Variants in CPM observed in about 807,000 individuals in gnomAD.
CPM encodes renal carboxypeptidase.
A neutral mutation model predicts 46.4 loss-of-function variants in CPM; 35 were observed. The observed-to-expected ratio is 0.75, with a 90% CI of 0.58 to 1.00. CPM has a LOEUF of 1.00. Ranked by LOEUF, CPM falls within the 50% of genes least tolerant of loss-of-function variation. The pLI, the probability that CPM is intolerant of heterozygous loss-of-function variation, is 0.00. For missense variants in CPM, 422 were observed against 530.4 expected, an observed-to-expected ratio of 0.80 and a Z score of 2.01; for synonymous variants, 195 against 195.3, an observed-to-expected ratio of 1.00 and a Z score of 0.01.
chr12:68,871,992 G>C (rs372224300), intron 3 of CPM, 36 bp from the exon 4 acceptor site: 98 of 1,609,872 alleles, frequency 6.1e-5, no homozygotes, highest in Non-Finnish European at 8.1e-5. Flanking sequence ...ACATTATTAG[G>C]TCAGAGGCAA....
chr12:68,865,901 G>C (rs1254474768), intron 7 of CPM, among the ~76,000 whole-genome samples: 1 of 152,148 alleles, frequency 6.6e-6, no homozygotes, highest in Non-Finnish European at 1.5e-5. Flanking sequence ...AGCATCACGT[G>C]GTAAGGTGGT....
At chr12:68,903,215 T>G (rs1351997136) in intron 2 of CPM, among the ~76,000 whole-genome samples, 2 of 152,244 alleles carry the variant, frequency 1.3e-5, no homozygotes, top group Non-Finnish European at 2.9e-5. Flanking sequence ...TACAGTCGGC[T>G]GATCACATGT....
chr12:68,922,939 C>G (rs944237178), intron 2 of CPM, among the ~76,000 whole-genome samples: 2 of 152,058 alleles, frequency 1.3e-5, no homozygotes, highest in Admixed American at 6.6e-5. Context: ...TTTAAAGAGA[C>G]AGACTCTTGC....
chr12:68,894,787 C>A (rs1017171499), intron 2 of CPM, among the ~76,000 whole-genome samples: 1 of 152,048 alleles, frequency 6.6e-6, no homozygotes, highest in Admixed American at 6.5e-5. Flanking sequence ...GTAATCCCAG[C>A]ACTTTGGAAG....
intron 5 of CPM, chr12:68,843,763 G>A: frequency 4.5e-6 from 1 of 223,530 alleles, no homozygotes; most frequent in Non-Finnish European, 8.9e-6. Flanking sequence ...TACCTGTGGA[G>A]GTCCTCCAAG....
chr12:68,932,558 C>CTTG (rs1346797237), intron 2 of CPM, 120 bp downstream of exon 2: 1 of 1,192,638 alleles, frequency 8.4e-7, no homozygotes, highest in Non-Finnish European at 1.2e-6. Context: ...TACCGGTTGA[C>CTTG]TTGTTCTGTG....
chr12:68,960,632 T>C (rs1284658108), intron 1 of CPM, among the ~76,000 whole-genome samples: 1 of 152,200 alleles, frequency 6.6e-6, no homozygotes, highest in Non-Finnish European at 1.5e-5. Context: ...AGCAAGATAA[T>C]TCGCAGGGCC....
chr12:68,932,960 A>C, intron 1 of CPM, 120 bp from the exon 2 acceptor site: 3 of 843,980 alleles, frequency 3.6e-6, no homozygotes, highest in Non-Finnish European at 5.5e-6. Flanking sequence ...CCTGCCTCCT[A>C]AGGAGGCAAA....
rs1029328574 is a variant in CPM at position 68,886,037 on chromosome 12, T to G, written c.161-148A>C. ...TAAGTTTGTATGACTAACATCTCCA[T>G]GCTTAAAACACTCATCGTTTACCGT... is the stretch of plus-strand genomic sequence containing the variant. On this transcript the variant is annotated intron_variant, in intron 2 of 8. Transcript: ENST00000551568. 6.4e-6 allele frequency: 4 copies of G among 624,408 alleles called. No individual in the cohort carries two copies. The South Asian group carries it at 8.0e-5, about 12-fold the overall frequency. 38.7% of individuals were successfully genotyped at this position (624,408 alleles called of 1,614,324 possible).
chr12:68,917,872 C>T (rs1887875091), intron 2 of CPM, among the ~76,000 whole-genome samples: 1 of 152,148 alleles, frequency 6.6e-6, no homozygotes, highest in Non-Finnish European at 1.5e-5. Context: ...TTGCATATGT[C>T]TCTGCAGTTT....
chr12:68,874,813 A>G (rs1368784771), intron 3 of CPM, among the ~76,000 whole-genome samples: 2 of 152,176 alleles, frequency 1.3e-5, no homozygotes, highest in Non-Finnish European at 1.5e-5. Flanking sequence ...AGTCAAGAAC[A>G]GAGAGGAAGT....
intron 3 of CPM, among the ~76,000 whole-genome samples, chr12:68,873,189 C>T (rs1885786907): frequency 6.6e-6 from 1 of 152,176 alleles, no homozygotes; most frequent in Non-Finnish European, 1.5e-5. Flanking sequence ...CATGTAGACA[C>T]TGTGCAAGAA....
intron 3 of CPM, among the ~76,000 whole-genome samples, chr12:68,881,028 C>T (rs1217745680): frequency 6.6e-6 from 1 of 152,128 alleles, no homozygotes; most frequent in Non-Finnish European, 1.5e-5. Context: ...GTGAGTTTAA[C>T]TTTACTTATT....
chr12:68,892,290 T>C (rs1592667470), intron 2 of CPM, among the ~76,000 whole-genome samples: 1 of 152,314 alleles, frequency 6.6e-6, no homozygotes, highest in South Asian at 2.1e-4. Flanking sequence ...GTTGAGGTTA[T>C]TGTCTGTCTC....
chr12:68,932,805 C>T lies in CPM; in HGVS notation c.33G>A (p.Leu11=), dbSNP rs768724871. Residue 11 remains leucine, a synonymous_variant, in exon 2 of 9, where the codon TTG becomes TTA. Transcript: ENST00000551568. MDFPCLWLGL[L]LPLVAALDFN... ...AATCCAGCGCAGCTACCAAAGGCAG[C>T]AACAGCCCTAGCCAGAGGCACGGGA... The T allele has an allele frequency of 3.7e-6, 6 of 1,614,120 alleles. No individual in the cohort carries two copies. Among genetic ancestry groups the T allele is most frequent in the East Asian group, 2.2e-5 (1 of 44,872 alleles).
At chr12:68,941,229 G>A (rs1346922758) in intron 1 of CPM, among the ~76,000 whole-genome samples, 1 of 150,646 alleles carries the variant, frequency 6.6e-6, no homozygotes, top group Non-Finnish European at 1.5e-5. Context: ...CATCAGCTGA[G>A]AAACAATGTC....
At chr12:68,925,983 C>T (rs1477054498) in intron 2 of CPM, among the ~76,000 whole-genome samples, 1 of 152,194 alleles carries the variant, frequency 6.6e-6, no homozygotes, top group Non-Finnish European at 1.5e-5. Flanking sequence ...CAATTACAAT[C>T]TTGGTTCACT....
At chr12:68,917,127 A>T (rs1431866502) in intron 2 of CPM, among the ~76,000 whole-genome samples, 1 of 152,086 alleles carries the variant, frequency 6.6e-6, no homozygotes, top group Non-Finnish European at 1.5e-5. Flanking sequence ...AGCCACACTG[A>T]ACTTCTTTTG....
At chr12:68,845,703 C>T (rs979728571) in intron 5 of CPM, 54 of 170,462 alleles carry the variant, frequency 3.2e-4, no homozygotes, top group African/African-American at 7.1e-5. Flanking sequence ...CTTAGATGTC[C>T]AGCCAACAGC....
Sources: gnomAD v4.1 joint callset for allele counts (sites outside exome capture counted in the v4.1 genomes callset) on GRCh38, gnomAD v4.1.1 for gene constraint, MANE v1.5 for transcripts, NCBI Gene and HGNC (gene_info 2026-07-23, HGNC 2026-07-21) for gene names.